Variants in DNAH5 observed in about 807,000 individuals in gnomAD.
DNAH5 encodes the protein axonemal beta dynein heavy chain 5.
DNAH5 carries 372 observed loss-of-function variants against 518.2 expected under a neutral mutation model. The ratio of observed to expected loss-of-function variants is 0.72; its 90% CI spans 0.66 to 0.78. The LOEUF (loss-of-function observed/expected upper bound fraction) is 0.78. Among genes scored for constraint, DNAH5 ranks in the 30% least tolerant of loss-of-function variants. The probability of loss-of-function intolerance (pLI) is 0.00; values close to 1 mark genes in which losing one functional copy is unlikely to be tolerated. For missense variants in DNAH5, 5,523 were observed against 5,687.0 expected, an observed-to-expected ratio of 0.97 and a Z score of 0.93; for synonymous variants, 2,039 against 2,025.9, an observed-to-expected ratio of 1.01 and a Z score of -0.17.
chr5:13,975,358 A>C (rs181593123), intron 1 of DNAH5, among the ~76,000 whole-genome samples: 263 of 152,326 alleles, frequency 1.7e-3, no homozygotes, highest in African/African-American at 6.1e-3. Flanking sequence ...ACATGTGGGA[A>C]TTATGGAAGT....
intron 1 of DNAH5, among the ~76,000 whole-genome samples, chr5:14,011,631 C>A (rs1043022219): frequency 2.0e-5 from 3 of 152,112 alleles, no homozygotes; most frequent in Non-Finnish European, 4.4e-5. Context: ...GCCGCGTGGC[C>A]CGAGCGCGCA....
Position 13,835,561 on chromosome 5 carries a change from C to T in DNAH5, c.5882+3795G>A, listed in dbSNP as rs528984919. On this transcript the variant is annotated intron_variant, in intron 35 of 78. Coordinates refer to ENST00000265104, the MANE Select transcript of DNAH5 (RefSeq NM_001369.3). ...TCCAGATAACTCCATGTGTGCAGGA[C>T]ATCATTGCGATCTGCATTTACATAT... Among the ~76,000 whole-genome samples the T allele has an allele frequency of 2.0e-5, 3 of 152,224 alleles. No homozygotes were observed. The East Asian group carries it at 5.8e-4, about 29-fold the overall frequency.
At chr5:13,739,472 GAACTGTGAGTCAATTA>G (rs1748089684) in intron 65 of DNAH5, among the ~76,000 whole-genome samples, 1 of 152,104 alleles carries the variant, frequency 6.6e-6, no homozygotes, top group Non-Finnish European at 1.5e-5. Context: ...CAGCCATGCA[GAACTGTGAGTCAATTA>G]AACCTCTTTC....
chr5:13,886,228 C>A lies in DNAH5; in HGVS notation c.2578-99G>T, dbSNP rs115826876. On this transcript the variant is annotated intron_variant, in intron 17 of 78. Coordinates refer to ENST00000265104, the MANE Select transcript of DNAH5 (RefSeq NM_001369.3). The stretch of plus-strand genomic sequence containing the variant: ...AGTGGTAGCAATGCTGTGGCTCAGC[C>A]TCCAGGTGAGATTTCAGCCCCAGTG... The A allele has an allele frequency of 8.2e-3, 10,384 of 1,267,414 alleles. 52 individuals carry two copies. Among genetic ancestry groups the A allele is most frequent in the Non-Finnish European group, 9.4e-3 (8,599 of 910,974 alleles). 78.5% of individuals were successfully genotyped at this position (1,267,414 alleles called of 1,614,324 possible).
At position 13,862,634 on chromosome 5, in the gene DNAH5, C is replaced by A. The variant is rs1469211378; in HGVS notation, c.4710G>T (p.Glu1570Asp). ...AGGTACTGTCTCCTCTCAAGAGGAG[C>A]TCTCCACGGGTTTTAAAGCTGCCGA... Reference protein sequence around the residue: ...FTFGSFKTRGELLLRGDSTSE... With the variant: ...FTFGSFKTRGDLLLRGDSTSE... The change falls in exon 29 of 79, where the codon GAG becomes GAT. Residue 1570 changes from glutamate (E) to aspartate (D), a missense_variant. Transcript: ENST00000265104. 6.2e-7 allele frequency: 1 copy of A among 1,613,794 alleles called. No homozygotes were observed. Among genetic ancestry groups the A allele is most frequent in the Admixed American group, 1.7e-5 (1 of 59,972 alleles).
chr5:13,886,196 C>G, intron 17 of DNAH5, 67 bp from the exon 18 acceptor site: 1 of 1,465,780 alleles, frequency 6.8e-7, no homozygotes, highest in Non-Finnish European at 9.2e-7. Flanking sequence ...TTTGAGAGCA[C>G]AGAAACAGTG....
At position 13,985,729 on chromosome 5, in the gene DNAH5, C is replaced by T. The variant is rs73045514; in HGVS notation, c.12+25919G>A. Among the ~76,000 whole-genome samples, 405 of 152,204 alleles carry T rather than the reference C, an allele frequency of 2.7e-3. 2 individuals are homozygous for T. The highest frequency in any genetic ancestry group is 9.2e-3 in the African/African-American group (383 of 41,528). On this transcript the variant is annotated intron_variant, in intron 1 of 78. Transcript: ENST00000681290. ...AGAACTCACCAGAAGACCCTTGAGT[C>T]GGGAATTCCTTCCTGTGGGTAGAAC...
intron 30 of DNAH5, among the ~76,000 whole-genome samples, chr5:13,853,377 C>T (rs951254248): frequency 2.0e-5 from 3 of 152,158 alleles, no homozygotes; most frequent in African/African-American, 7.2e-5. Flanking sequence ...TCACCAACAG[C>T]AAAGACCAAT....
intron 25 of DNAH5, 152 bp from the exon 26 acceptor site, chr5:13,866,434 T>C (rs1036367402): frequency 1.5e-6 from 1 of 687,442 alleles, no homozygotes; most frequent in African/African-American, 1.8e-5. Context: ...ACAAAGTGAT[T>C]CATTTAGACA....
intron 65 of DNAH5, among the ~76,000 whole-genome samples, chr5:13,738,487 C>T (rs1417763415): frequency 6.6e-6 from 1 of 152,164 alleles, no homozygotes; most frequent in Admixed American, 6.5e-5. Context: ...GTCTTCTTGG[C>T]CTGCTGTTCT....
upstream of DNAH5, among the ~76,000 whole-genome samples, chr5:13,944,777 C>G (rs1779777747): frequency 6.6e-6 from 1 of 152,176 alleles, no homozygotes; most frequent in Non-Finnish European, 1.5e-5. Context: ...TGCTCGGTAG[C>G]AACACAACTC....
intron 59 of DNAH5, among the ~76,000 whole-genome samples, chr5:13,764,054 T>C (rs897250262): frequency 5.3e-5 from 8 of 152,188 alleles, no homozygotes; most frequent in Admixed American, 1.3e-4. Flanking sequence ...CAATGCTGAA[T>C]TGAAAACCAA....
At chr5:13,700,552 CATG>C (rs1741957052) in intron 78 of DNAH5, 85 bp downstream of exon 78, 1 of 1,305,188 alleles carries the variant, frequency 7.7e-7, no homozygotes, top group Non-Finnish European at 1.1e-6. Context: ...ATCTCTACTA[CATG>C]ATAACAAAAA....
At chr5:13,797,807 A>T (rs1431139736) in intron 47 of DNAH5, among the ~76,000 whole-genome samples, 3 of 152,206 alleles carry the variant, frequency 2.0e-5, no homozygotes, top group Non-Finnish European at 4.4e-5. Context: ...ACCAACCCAA[A>T]TGTCCATCAA....
intron 63 of DNAH5, among the ~76,000 whole-genome samples, chr5:13,752,835 A>G (rs536653185): frequency 1.2e-4 from 19 of 152,338 alleles, no homozygotes; most frequent in Admixed American, 2.0e-4. Context: ...TTTATTGGGA[A>G]GCATGTAAAG....
intron 57 of DNAH5, 72 bp from the exon 58 acceptor site, chr5:13,769,208 C>T (rs1414496957): frequency 2.1e-5 from 32 of 1,534,014 alleles, no homozygotes; most frequent in Admixed American, 3.4e-5. Context: ...CACATTTTTG[C>T]CTTGATTTGT....
chr5:13,996,835 G>A (rs1301353269), intron 1 of DNAH5, among the ~76,000 whole-genome samples: 1 of 152,224 alleles, frequency 6.6e-6, no homozygotes, highest in African/African-American at 2.4e-5. Context: ...GATCTCAGGG[G>A]CAGCCCCAAT....
chr5:13,877,506 T>C (rs536458101), intron 21 of DNAH5, among the ~76,000 whole-genome samples: 1 of 152,292 alleles, frequency 6.6e-6, no homozygotes. Flanking sequence ...ATATCCTGGC[T>C]CTCCCTCCAC....
In DNAH5 at chr5:13,700,861, C is replaced by T. The variant is rs781267941; in HGVS notation, c.13502G>A (p.Arg4501Gln). 2.2e-5 allele frequency: 36 copies of T among 1,613,842 alleles called. No homozygotes were observed. The highest frequency in any genetic ancestry group is 4.5e-5 in the East Asian group (2 of 44,882). ...GTCCAGAGCCCAGCCTTTGTTGGCC[C>T]GAGTTATTTCCTATTCAGGGCAGCA... ...FLTAMRQEITRANKGWALDNM... is the reference protein window; with the variant it reads ...FLTAMRQEITQANKGWALDNM... The change falls in exon 78 of 79, where the codon CGG (arginine) becomes CAG (glutamine). Residue 4501 changes from arginine to glutamine, a missense_variant. Physicochemically the swap from Arg to Gln is conservative, Grantham distance 43. Transcript: ENST00000265104.
Sources: allele counts gnomAD v4.1 joint callset (sites outside exome capture counted in the v4.1 genomes callset), GRCh38; gene constraint gnomAD v4.1.1; transcripts MANE v1.5; gene names NCBI Gene and HGNC (gene_info 2026-07-23, HGNC 2026-07-21).